SEMA6D: variants seen among roughly 807,000 people sequenced by gnomAD.
The protein encoded by SEMA6D is semaphorin 6D.
In SEMA6D, 35 loss-of-function variants were observed where a neutral mutation model predicts 106.6. The ratio of observed to expected loss-of-function variants is 0.33; its 90% CI spans 0.25 to 0.44. The LOEUF (loss-of-function observed/expected upper bound fraction) is 0.44, where lower values mean the gene tolerates loss of function less well. SEMA6D is among the 20% of genes least tolerant of loss of function. The pLI, the probability that SEMA6D is intolerant of heterozygous loss-of-function variation, is 1.00. For missense variants in SEMA6D, 1,185 were observed against 1,345.9 expected, an observed-to-expected ratio of 0.88 and a Z score of 1.87; for synonymous variants, 499 against 487.7, an observed-to-expected ratio of 1.02 and a Z score of -0.31.
intron 1 of SEMA6D, among the ~76,000 whole-genome samples, chr15:47,251,553 C>T (rs565210537): frequency 3.8e-4 from 58 of 152,148 alleles, no homozygotes; most frequent in Admixed American, 1.1e-3. Flanking sequence ...ATCTCTGACT[C>T]GGTTAGTATA....
intron 4 of SEMA6D, among the ~76,000 whole-genome samples, chr15:47,619,587 G>C (rs1252769828): frequency 6.6e-6 from 1 of 152,176 alleles, no homozygotes; most frequent in Non-Finnish European, 1.5e-5. Context: ...TAAGGAACTT[G>C]TTAGAAAGAT....
chr15:47,393,915 A>T (rs2040122231), intron 1 of SEMA6D, among the ~76,000 whole-genome samples: 1 of 152,122 alleles, frequency 6.6e-6, no homozygotes, highest in Non-Finnish European at 1.5e-5. Context: ...TCTTATGGAG[A>T]AGGTATAATT....
intron 1 of SEMA6D, among the ~76,000 whole-genome samples, chr15:47,354,098 G>A (rs1426369241): frequency 6.7e-6 from 1 of 148,690 alleles, no homozygotes; most frequent in African/African-American, 2.5e-5. Flanking sequence ...GAGTGTATAT[G>A]TATACATATA....
chr15:47,392,889 A>C (rs1216715979), intron 1 of SEMA6D, among the ~76,000 whole-genome samples: 1 of 152,232 alleles, frequency 6.6e-6, no homozygotes, highest in Non-Finnish European at 1.5e-5. Context: ...GGCCATTCAG[A>C]TAGCCACGAC....
intron 1 of SEMA6D, chr15:47,730,797 G>C: frequency 6.3e-7 from 1 of 1,590,726 alleles, no homozygotes. Flanking sequence ...GGTCTCTTTT[G>C]GGCTGGATGT....
At chr15:47,722,187 T>C (rs1462096167) in intron 1 of SEMA6D, among the ~76,000 whole-genome samples, 1 of 152,180 alleles carries the variant, frequency 6.6e-6, no homozygotes, top group Non-Finnish European at 1.5e-5. Flanking sequence ...GGAAAGATTC[T>C]TGAGGCCTGT....
chr15:47,541,784 G>C (rs1441422570), intron 3 of SEMA6D, among the ~76,000 whole-genome samples: 1 of 152,136 alleles, frequency 6.6e-6, no homozygotes, highest in African/African-American at 2.4e-5. Context: ...AATCCAAAAA[G>C]AGCTGCCAAG....
At chr15:47,756,988 AG>A (rs2081786717) in intron 1 of SEMA6D, among the ~76,000 whole-genome samples, 1 of 147,262 alleles carries the variant, frequency 6.8e-6, no homozygotes. Flanking sequence ...TTAGAGTGGT[AG>A]GGGGTGGGGC....
chr15:47,418,856 T>C (rs1481548773), intron 2 of SEMA6D, among the ~76,000 whole-genome samples: 2 of 152,078 alleles, frequency 1.3e-5, no homozygotes, highest in Non-Finnish European at 2.9e-5. Context: ...TGGGAAGAGA[T>C]GGTAGTCACA....
chr15:47,482,773 A>T (rs1386602350), intron 3 of SEMA6D, among the ~76,000 whole-genome samples: 1 of 152,172 alleles, frequency 6.6e-6, no homozygotes, highest in Non-Finnish European at 1.5e-5. Context: ...TTGATAAAAA[A>T]CAAGTGAGAA....
At chr15:47,239,578 A>G (rs555410862) in intron 1 of SEMA6D, among the ~76,000 whole-genome samples, 8 of 152,156 alleles carry the variant, frequency 5.3e-5, no homozygotes, top group Non-Finnish European at 1.0e-4. Flanking sequence ...TGGAAAGAAT[A>G]TGGGCTTCGG....
intron 3 of SEMA6D, among the ~76,000 whole-genome samples, chr15:47,564,502 A>G (rs1027435893): frequency 7.2e-5 from 11 of 152,192 alleles, no homozygotes; most frequent in Non-Finnish European, 1.0e-4. Flanking sequence ...TTAAAACCTG[A>G]CCTGATCTGA....
chr15:47,486,735 A>T (rs1303496234), intron 3 of SEMA6D, among the ~76,000 whole-genome samples: 2 of 152,230 alleles, frequency 1.3e-5, no homozygotes, highest in East Asian at 3.8e-4. Flanking sequence ...ACATTTTTAT[A>T]GGAGAGAAGA....
chr15:47,483,936 G>A (rs1297494348), intron 3 of SEMA6D, among the ~76,000 whole-genome samples: 1 of 151,990 alleles, frequency 6.6e-6, no homozygotes, highest in Admixed American at 6.6e-5. Context: ...ACCAGTTGTG[G>A]GTTTCTGATT....
At chr15:47,667,200 C>T (rs186846101) in intron 4 of SEMA6D, among the ~76,000 whole-genome samples, 4 of 152,330 alleles carry the variant, frequency 2.6e-5, no homozygotes, top group Admixed American at 6.5e-5. Context: ...AGTTATTTTA[C>T]ACCATTAAAT....
chr15:47,734,127 A>C (rs2080305394), intron 1 of SEMA6D, among the ~76,000 whole-genome samples: 1 of 152,214 alleles, frequency 6.6e-6, no homozygotes, highest in Non-Finnish European at 1.5e-5. Flanking sequence ...ATGATGGACA[A>C]AGTACTCATA....
chr15:47,727,665 C>T (rs920641235), intron 1 of SEMA6D, among the ~76,000 whole-genome samples: 2 of 131,690 alleles, frequency 1.5e-5, no homozygotes, highest in African/African-American at 5.7e-5. Flanking sequence ...TCCCCCCCAA[C>T]CCCCCCAGTT....
intron 1 of SEMA6D, among the ~76,000 whole-genome samples, chr15:47,284,683 G>C (rs2035280843): frequency 6.6e-6 from 1 of 152,098 alleles, no homozygotes; most frequent in South Asian, 2.1e-4. Context: ...TCTATTGTCG[G>C]TTTTGCATTG....
At chr15:47,549,918 A>G (rs1013537986) in intron 3 of SEMA6D, among the ~76,000 whole-genome samples, 1 of 152,200 alleles carries the variant, frequency 6.6e-6, no homozygotes, top group African/African-American at 2.4e-5. Context: ...TGCACAGGCA[A>G]TAGTGACAAA....
Sources: gnomAD v4.1 joint callset for allele counts (sites outside exome capture counted in the v4.1 genomes callset) on GRCh38, gnomAD v4.1.1 for gene constraint, MANE v1.5 for transcripts, NCBI Gene and HGNC (gene_info 2026-07-23, HGNC 2026-07-21) for gene names.